KCNIP4: variants seen among roughly 807,000 people sequenced by gnomAD.
KCNIP4 encodes Kv channel-interacting protein 4.
In KCNIP4, 12 loss-of-function variants were observed where a neutral mutation model predicts 34.0. That is an observed-to-expected ratio of 0.35 (90% CI 0.23 to 0.57). The LOEUF is 0.57. Among genes scored for constraint, KCNIP4 ranks in the 20% least tolerant of loss-of-function variants. The pLI is 0.83. For synonymous variants in KCNIP4, 124 were observed against 102.2 expected (o/e 1.21, Z -1.29); for missense variants, 238 against 311.7 (o/e 0.76, Z 1.78).
intron 1 of KCNIP4, among the ~76,000 whole-genome samples, chr4:21,123,308 T>C (rs762297458): frequency 1.4e-4 from 22 of 152,230 alleles, no homozygotes; most frequent in Non-Finnish European, 2.5e-4. Flanking sequence ...ACAGGGACTG[T>C]TCTAGGAACC....
At chr4:20,806,453 T>C (rs1174411477) in intron 3 of KCNIP4, among the ~76,000 whole-genome samples, 2 of 152,162 alleles carry the variant, frequency 1.3e-5, no homozygotes, top group East Asian at 3.9e-4. Flanking sequence ...TTTTCATCTA[T>C]TTTGTTGCAA....
chr4:21,365,800 G>T (rs1037890646), intron 1 of KCNIP4, among the ~76,000 whole-genome samples: 1 of 152,132 alleles, frequency 6.6e-6, no homozygotes, highest in Admixed American at 6.6e-5. Context: ...ATATGTTTTT[G>T]TCCATTAAGG....
chr4:21,714,191 A>T (rs1004672982), intron 1 of KCNIP4, among the ~76,000 whole-genome samples: 13 of 152,134 alleles, frequency 8.5e-5, no homozygotes, highest in Non-Finnish European at 7.3e-5. Flanking sequence ...CTCTCTCAAG[A>T]TTAATAAATT....
At chr4:21,439,189 A>G (rs1727226715) in intron 1 of KCNIP4, among the ~76,000 whole-genome samples, 1 of 151,744 alleles carries the variant, frequency 6.6e-6, no homozygotes, top group African/African-American at 2.4e-5. Context: ...AAGTAGAGAA[A>G]GAAGCCAACA....
intron 1 of KCNIP4, among the ~76,000 whole-genome samples, chr4:21,013,686 A>T (rs574286673): frequency 2.4e-4 from 37 of 152,276 alleles, no homozygotes; most frequent in African/African-American, 8.7e-4. Flanking sequence ...GGTAAAGAGG[A>T]ACACTGAATA....
intron 1 of KCNIP4, among the ~76,000 whole-genome samples, chr4:21,904,939 TA>T (rs1314832846): frequency 6.6e-6 from 1 of 152,140 alleles, no homozygotes; most frequent in African/African-American, 2.4e-5. Flanking sequence ...GAAAATCACT[TA>T]ACATAGTACT....
intron 1 of KCNIP4, among the ~76,000 whole-genome samples, chr4:21,303,016 C>T (rs1711925614): frequency 6.6e-6 from 1 of 152,126 alleles, no homozygotes; most frequent in African/African-American, 2.4e-5. Context: ...TGGCTGTATG[C>T]AAACACACTC....
At chr4:20,943,090 G>A (rs1238337212) in intron 1 of KCNIP4, among the ~76,000 whole-genome samples, 1 of 151,498 alleles carries the variant, frequency 6.6e-6, no homozygotes, top group African/African-American at 2.4e-5. Context: ...AAATCCCAGA[G>A]TACAGCTGCA....
chr4:21,083,521 C>T (rs1365061474), intron 1 of KCNIP4, among the ~76,000 whole-genome samples: 1 of 151,642 alleles, frequency 6.6e-6, no homozygotes, highest in Non-Finnish European at 1.5e-5. Context: ...TCTCTGTCTC[C>T]CTCTGGGCTT....
chr4:21,669,114 T>C (rs1344867780), intron 1 of KCNIP4, among the ~76,000 whole-genome samples: 2 of 147,316 alleles, frequency 1.4e-5, no homozygotes, highest in African/African-American at 5.0e-5. Flanking sequence ...CTTATGATTT[T>C]CCCTGCCTCC....
At chr4:21,314,001 G>A (rs745361530) in intron 1 of KCNIP4, among the ~76,000 whole-genome samples, 3 of 152,132 alleles carry the variant, frequency 2.0e-5, no homozygotes, top group African/African-American at 4.8e-5. Context: ...ATGTAGGCTC[G>A]GGCTGTGATC....
In KCNIP4 at chr4:21,849,539, C is replaced by T. The variant is rs559916734; in HGVS notation, c.61+99032G>A. The T allele has an allele frequency of 3.3e-5, 5 of 152,136 alleles. No homozygotes were observed. In the East Asian group the frequency reaches 9.7e-4, roughly 29 times the overall value. 9.4% of individuals were successfully genotyped at this position (152,136 alleles called of 1,614,324 possible). On this transcript the variant is annotated intron_variant, in intron 1 of 8. Transcript: ENST00000382152. Reference sequence around the variant, plus strand: ...AGCTCTAATCAGTGTATGCTCACATCGTCCCAGCAGAAAAAAATCAATCCA... The same window carrying T: ...AGCTCTAATCAGTGTATGCTCACATTGTCCCAGCAGAAAAAAATCAATCCA...
intron 1 of KCNIP4, among the ~76,000 whole-genome samples, chr4:21,259,752 C>A (rs1474051057): frequency 6.6e-6 from 1 of 152,164 alleles, no homozygotes; most frequent in South Asian, 2.1e-4. Flanking sequence ...AGCCTCAGCT[C>A]TTTGCAACTT....
chr4:21,084,124 C>A (rs761756888), intron 1 of KCNIP4, among the ~76,000 whole-genome samples: 3 of 151,800 alleles, frequency 2.0e-5, no homozygotes, highest in Non-Finnish European at 4.4e-5. Flanking sequence ...AATAAAAGGT[C>A]ATTTCTCCTG....
intron 4 of KCNIP4, among the ~76,000 whole-genome samples, chr4:20,754,113 A>G (rs1317275344): frequency 1.3e-5 from 2 of 152,146 alleles, no homozygotes; most frequent in African/African-American, 2.4e-5. Context: ...GTGTAACCAT[A>G]TAGGCAATAG....
chr4:20,810,673 A>G (rs1457985615), intron 3 of KCNIP4, among the ~76,000 whole-genome samples: 1 of 152,332 alleles, frequency 6.6e-6, no homozygotes, highest in African/African-American at 2.4e-5. Flanking sequence ...CACCAAGATG[A>G]ACAGAAAGAG....
At chr4:21,003,958 G>A (rs529059522) in intron 1 of KCNIP4, among the ~76,000 whole-genome samples, 1 of 152,156 alleles carries the variant, frequency 6.6e-6, no homozygotes, top group East Asian at 1.9e-4. Context: ...AAACCAGGAA[G>A]CAGTTGGAAA....
At chr4:21,900,539 T>A (rs1246434559) in intron 1 of KCNIP4, among the ~76,000 whole-genome samples, 1 of 152,198 alleles carries the variant, frequency 6.6e-6, no homozygotes, top group East Asian at 1.9e-4. Context: ...TGGTGTCCTA[T>A]AGGCCATCAA....
intron 1 of KCNIP4, among the ~76,000 whole-genome samples, chr4:21,922,327 G>A (rs1170759447): frequency 6.6e-6 from 1 of 152,070 alleles, no homozygotes; most frequent in African/African-American, 2.4e-5. Context: ...TGAGAGCAGG[G>A]ACTTTGCCTG....
Sources: gnomAD v4.1 joint callset for allele counts (sites outside exome capture counted in the v4.1 genomes callset) on GRCh38, gnomAD v4.1.1 for gene constraint, MANE v1.5 for transcripts, NCBI Gene and HGNC (gene_info 2026-07-23, HGNC 2026-07-21) for gene names.